Variants in EPB41L4A observed in about 807,000 individuals in gnomAD.
EPB41L4A encodes erythrocyte membrane protein band 4.1 like 4A, also known as band 4.1-like protein 4A.
In EPB41L4A, 100 loss-of-function variants were observed where a neutral mutation model predicts 108.6. The observed-to-expected ratio is 0.92, with a 90% CI of 0.78 to 1.09. The LOEUF (loss-of-function observed/expected upper bound fraction) is 1.09, where lower values mean the gene tolerates loss of function less well. Among genes scored for constraint, EPB41L4A ranks in the 50% least tolerant of loss-of-function variants. EPB41L4A has a pLI of 0.00. For missense variants in EPB41L4A, 1,030 were observed against 842.7 expected (o/e 1.22, Z -2.75); for synonymous variants, 319 against 289.0 (o/e 1.10, Z -1.05).
chr5:112,263,950 T>C (rs1295773957), intron 6 of EPB41L4A: 1 of 152,200 alleles, frequency 6.6e-6, no homozygotes, highest in Non-Finnish European at 1.5e-5. Flanking sequence ...GTAACTGAGA[T>C]TACAGGCACA....
At chr5:112,233,376 G>T (rs1429924292) in intron 12 of EPB41L4A, among the ~76,000 whole-genome samples, 1 of 152,144 alleles carries the variant, frequency 6.6e-6, no homozygotes, top group Non-Finnish European at 1.5e-5. Context: ...GGCACTTTTG[G>T]GATGCAGGCT....
chr5:112,157,712 C>A (rs1466523735), downstream of EPB41L4A, among the ~76,000 whole-genome samples: 2 of 152,222 alleles, frequency 1.3e-5, no homozygotes, highest in African/African-American at 2.4e-5. Context: ...ATCCCCCTAT[C>A]TCAAGGTTCC....
chr5:112,355,047 A>G (rs1307905206), intron 1 of EPB41L4A, among the ~76,000 whole-genome samples: 4 of 152,194 alleles, frequency 2.6e-5, no homozygotes, highest in African/African-American at 9.6e-5. Context: ...AGGAATGAAA[A>G]TCTGACCAAC....
intron 11 of EPB41L4A, 49 bp downstream of exon 11, chr5:112,239,611 A>T: frequency 8.4e-7 from 1 of 1,189,496 alleles, no homozygotes. Flanking sequence ...CAGCTGAATT[A>T]AGTATTTATT....
chr5:112,248,050 G>T (rs1324350841), intron 9 of EPB41L4A, among the ~76,000 whole-genome samples: 5 of 152,192 alleles, frequency 3.3e-5, no homozygotes, highest in Admixed American at 3.3e-4. Context: ...TTTCTGCCAA[G>T]TACAAATGAC....
intron 2 of EPB41L4A, among the ~76,000 whole-genome samples, chr5:112,293,741 G>A (rs1012986078): frequency 4.6e-5 from 7 of 152,112 alleles, no homozygotes; most frequent in Non-Finnish European, 7.4e-5. Flanking sequence ...TGGGGGAGCC[G>A]TTTGGGAGGC....
chr5:112,189,553 T>C (rs746517551), intron 17 of EPB41L4A, among the ~76,000 whole-genome samples: 1 of 152,172 alleles, frequency 6.6e-6, no homozygotes, highest in Non-Finnish European at 1.5e-5. Flanking sequence ...AGAATAAAAT[T>C]AGGGAAACGT....
At position 112,247,658 on chromosome 5, in the gene EPB41L4A, G is replaced by A. The variant is rs76797224; in HGVS notation, c.796-6848C>T. On this transcript the variant is annotated intron_variant, in intron 9 of 22. Transcript: ENST00000261486. ...AAGACTTCCAAGACTTTTGGAATTC[G>A]CTGATATAATACAGGTCCTGAATTC... is the stretch of plus-strand genomic sequence containing the variant. 5.8e-3 allele frequency among the ~76,000 whole-genome samples: 882 copies of A among 152,132 alleles called. 3 individuals carry two copies. Among genetic ancestry groups the A allele is most frequent in the Middle Eastern group, 0.01 (3 of 294 alleles).
At chr5:112,269,868 T>C (rs193176760) in intron 4 of EPB41L4A, among the ~76,000 whole-genome samples, 108 of 152,322 alleles carry the variant, frequency 7.1e-4, no homozygotes, top group Admixed American at 1.2e-3. Flanking sequence ...CCGATGTATA[T>C]GCACTGCCCC....
intron 1 of EPB41L4A, among the ~76,000 whole-genome samples, chr5:112,341,948 T>C (rs937460676): frequency 6.6e-6 from 1 of 152,152 alleles, no homozygotes; most frequent in African/African-American, 2.4e-5. Context: ...GTATTAAAGG[T>C]ACAAATTAAA....
chr5:112,260,027 C>T, intron 7 of EPB41L4A, 48 bp from the exon 8 acceptor site: 1 of 1,285,962 alleles, frequency 7.8e-7, no homozygotes, highest in Non-Finnish European at 1.1e-6. Context: ...CATAAAATCT[C>T]TTTGTCAAAC....
intron 1 of EPB41L4A, among the ~76,000 whole-genome samples, chr5:112,413,609 G>A (rs78878960): frequency 4.7e-4 from 72 of 152,360 alleles, no homozygotes; most frequent in Non-Finnish European, 6.8e-4. Context: ...GACAGATGCT[G>A]TAACAGGGAT....
At chr5:112,309,273 C>T (rs1754892533) in intron 1 of EPB41L4A, among the ~76,000 whole-genome samples, 1 of 152,130 alleles carries the variant, frequency 6.6e-6, no homozygotes, top group African/African-American at 2.4e-5. Context: ...ACCAATACCC[C>T]CAAGATTTTG....
chr5:112,362,635 T>C (rs189059417), intron 1 of EPB41L4A, among the ~76,000 whole-genome samples: 295 of 152,288 alleles, frequency 1.9e-3, no homozygotes, highest in Middle Eastern at 6.8e-3. Context: ...TTATCATTAA[T>C]AGCAATTCCA....
chr5:112,280,523 C>T (rs567268463), intron 2 of EPB41L4A, among the ~76,000 whole-genome samples, 200 bp from the exon 3 acceptor site: 13 of 152,264 alleles, frequency 8.5e-5, no homozygotes, highest in African/African-American at 2.9e-4. Context: ...GGCACGGTGG[C>T]TCACACCTGA....
At chr5:112,177,923 C>T (rs371283036) in intron 18 of EPB41L4A, among the ~76,000 whole-genome samples, 52 of 151,368 alleles carry the variant, frequency 3.4e-4, no homozygotes, top group Middle Eastern at 3.4e-3. Flanking sequence ...AAAAAACAGG[C>T]GTAATAAACC....
intron 1 of EPB41L4A, among the ~76,000 whole-genome samples, chr5:112,324,626 G>C (rs1197141634): frequency 1.3e-5 from 2 of 151,640 alleles, no homozygotes; most frequent in African/African-American, 2.4e-5. Context: ...GGGAGGCTGA[G>C]GCAGGAGAAT....
rs189904996 is a variant in EPB41L4A, at chr5:112,352,337, T to C, written c.100-44847A>G. On this transcript the variant is annotated intron_variant, in intron 1 of 22. Transcript: ENST00000261486. ...TGTCAAGTTTGAAGAACTTTTTAAA[T>C]TTCCTTCTTAATTTCCCCACTGACC... is the stretch of plus-strand genomic sequence containing the variant. 1.4e-3 allele frequency among the ~76,000 whole-genome samples: 216 copies of C among 152,336 alleles called. 1 individual carries two copies. Among genetic ancestry groups the C allele is most frequent in the African/African-American group, 4.9e-3 (205 of 41,586 alleles).
chr5:112,204,741 A>G, intron 14 of EPB41L4A: 1 of 351,524 alleles, frequency 2.8e-6, no homozygotes, highest in Non-Finnish European at 5.4e-6. Flanking sequence ...ATGAACACAC[A>G]CAAATAACAA....
Sources: allele counts gnomAD v4.1 joint callset (sites outside exome capture counted in the v4.1 genomes callset), GRCh38; gene constraint gnomAD v4.1.1; transcripts MANE v1.5; gene names NCBI Gene and HGNC (gene_info 2026-07-23, HGNC 2026-07-21).